PTPMT1: variants seen among roughly 807,000 people sequenced by gnomAD.
PTPMT1 encodes the protein protein tyrosine phosphatase mitochondrial 1.
PTPMT1 carries 12 observed loss-of-function variants against 17.8 expected under a neutral mutation model. That is an observed-to-expected ratio of 0.67 (90% CI 0.43 to 1.09). The LOEUF (loss-of-function observed/expected upper bound fraction) is 1.09, where lower values mean the gene tolerates loss of function less well. PTPMT1 is among the 50% of genes least tolerant of loss of function. The pLI is 0.00. For missense variants in PTPMT1, 262 were observed against 266.0 expected, an observed-to-expected ratio of 0.99 and a Z score of 0.10; for synonymous variants, 132 against 116.8, an observed-to-expected ratio of 1.13 and a Z score of -0.84.
At chr11:47,571,374 T>A (rs1187046772) in intron 3 of PTPMT1, 97 bp from the exon 4 acceptor site, 3 of 1,048,192 alleles carry the variant, frequency 2.9e-6, no homozygotes, top group Non-Finnish European at 4.2e-6. Context: ...TCCAAAGAAA[T>A]GAAATCTCAG....
chr11:47,569,151 T>C (rs754095342), intron 2 of PTPMT1, among the ~76,000 whole-genome samples: 1 of 151,896 alleles, frequency 6.6e-6, no homozygotes, highest in Non-Finnish European at 1.5e-5. Flanking sequence ...TTTGGGAGGC[T>C]GAGGCAGGCG....
In PTPMT1 at chr11:47,572,966, C is replaced by T. The variant is rs760009912; in HGVS notation, c.*1337C>T. ...CAAACTGCAAATTGGTAAGCAGCAC[C>T]TTAATACCTCTTGTGACAGTTACGG... On this transcript the variant is annotated 3_prime_UTR_variant, in exon 4 of 4. Coordinates refer to ENST00000326674, the MANE Select transcript of PTPMT1 (RefSeq NM_175732.3). The T allele has an allele frequency of 1.2e-6, 2 of 1,614,152 alleles. No homozygotes were observed. Among genetic ancestry groups the T allele is most frequent in the South Asian group, 1.1e-5 (1 of 91,074 alleles).
At position 47,572,962 on chromosome 11, in the gene PTPMT1, G is replaced by A. The variant is rs1362758859; in HGVS notation, c.*1333G>A. The A allele has an allele frequency of 3.7e-6, 6 of 1,614,050 alleles. No homozygotes were observed. The Admixed American group carries it at 5.0e-5, about 13-fold the overall frequency. ...AACACAAACTGCAAATTGGTAAGCAGCACCTTAATACCTCTTGTGACAGTT... is the reference window on the plus strand; with the variant it reads ...AACACAAACTGCAAATTGGTAAGCAACACCTTAATACCTCTTGTGACAGTT... On this transcript the variant is annotated 3_prime_UTR_variant, in exon 4 of 4. Coordinates refer to ENST00000326674, the MANE Select transcript of PTPMT1 (RefSeq NM_175732.3).
In PTPMT1 at chr11:47,572,882, T is replaced by C; in HGVS notation, c.*1253T>C. ...TGGGGCCCAGGGGACTTTGAGTTTG[T>C]ATGGGGAGGGAAAAGGAGTGAGCAG... On this transcript the variant is annotated 3_prime_UTR_variant, in exon 4 of 4. Coordinates refer to ENST00000326674, the MANE Select transcript of PTPMT1 (RefSeq NM_175732.3). 6.4e-7 allele frequency: 1 copy of C among 1,569,282 alleles called. No homozygotes were observed. The highest frequency in any genetic ancestry group is 2.2e-5 in the East Asian group (1 of 44,482).
chr11:47,566,284 A>G (rs2097244106), intron 2 of PTPMT1, among the ~76,000 whole-genome samples: 1 of 152,090 alleles, frequency 6.6e-6, no homozygotes, highest in African/African-American at 2.4e-5. Flanking sequence ...GGAGTTCCTG[A>G]CCAGCCTGGG....
intron 3 of PTPMT1, among the ~76,000 whole-genome samples, chr11:47,570,163 T>G (rs1481664452): frequency 8.1e-6 from 1 of 123,724 alleles, no homozygotes; most frequent in East Asian, 2.4e-4. Flanking sequence ...CACTGCAGCA[T>G]AGCCAACAGA....
intron 2 of PTPMT1, among the ~76,000 whole-genome samples, chr11:47,568,472 T>C (rs541107939): frequency 6.6e-6 from 1 of 151,878 alleles, no homozygotes; most frequent in East Asian, 2.0e-4. Context: ...GGCTAGGAGA[T>C]TGAGACCAGC....
At chr11:47,570,051 G>C (rs1035528744) in intron 3 of PTPMT1, among the ~76,000 whole-genome samples, 160 bp downstream of exon 3, 5 of 152,120 alleles carry the variant, frequency 3.3e-5, no homozygotes, top group African/African-American at 1.2e-4. Context: ...AGTTAGCTCA[G>C]TGTGGTGGTG....
In PTPMT1 at chr11:47,573,190, A is replaced by T. The variant is rs1417523630; in HGVS notation, c.*1561A>T. ...AGGGAGTCCCCTTCAGCCACGATGAACACCAGATCTTTATGCACAGCTGCG... is the reference window on the plus strand; with the variant it reads ...AGGGAGTCCCCTTCAGCCACGATGATCACCAGATCTTTATGCACAGCTGCG... On this transcript the variant is annotated 3_prime_UTR_variant, in exon 4 of 4. Coordinates refer to ENST00000326674, the MANE Select transcript of PTPMT1 (RefSeq NM_175732.3). This position sits in a 1 kb window ranked among gnomAD's most constrained non-coding sequence, Gnocchi z 4.1. 6.2e-7 allele frequency: 1 copy of T among 1,614,054 alleles called. No homozygotes were observed. Among genetic ancestry groups the T allele is most frequent in the Non-Finnish European group, 8.5e-7 (1 of 1,180,030 alleles).
At chr11:47,567,682 C>T (rs2097246990) in intron 2 of PTPMT1, among the ~76,000 whole-genome samples, 1 of 150,496 alleles carries the variant, frequency 6.6e-6, no homozygotes, top group African/African-American at 2.4e-5. Context: ...GCCTCAGCCT[C>T]CCAAGTAGCT....
chr11:47,571,574 A>G lies in PTPMT1; in HGVS notation c.551A>G (p.Lys184Arg). 1.9e-6 allele frequency: 3 copies of G among 1,614,070 alleles called. No homozygotes were observed. The highest frequency in any genetic ancestry group is 2.2e-5 in the South Asian group (2 of 91,082). The change falls in exon 4 of 4, where the codon AAG becomes AGG. Residue 184 changes from lysine to arginine, a missense_variant. Lys to Arg is a conservative substitution (Grantham distance 26, BLOSUM62 2). Transcript: ENST00000326674. The stretch of plus-strand genomic sequence containing the variant: ...CTGGATGTTCTTAAAGAGTTCCACA[A>G]GCAGATTACTGCACGGGCAACAAAG... ...GQLDVLKEFHKQITARATKDG... is the reference protein window; with the variant it reads ...GQLDVLKEFHRQITARATKDG...
At chr11:47,567,563 T>TC (rs1167726991) in intron 2 of PTPMT1, among the ~76,000 whole-genome samples, 36 of 142,516 alleles carry the variant, frequency 2.5e-4, no homozygotes, top group Non-Finnish European at 4.0e-4. Flanking sequence ...TCTTTTCTTT[T>TC]TTTTTTTTTT....
Position 47,572,955 on chromosome 11 carries a change from G to A in PTPMT1, c.*1326G>A. The A allele has an allele frequency of 6.2e-7, 1 of 1,614,018 alleles. No individual in the cohort carries two copies. The highest frequency in any genetic ancestry group is 8.5e-7 in the Non-Finnish European group (1 of 1,179,908). On this transcript the variant is annotated 3_prime_UTR_variant, in exon 4 of 4. Transcript: ENST00000326674. ...TTAGGCCAACACAAACTGCAAATTGGTAAGCAGCACCTTAATACCTCTTGT... is the reference window on the plus strand; with the variant it reads ...TTAGGCCAACACAAACTGCAAATTGATAAGCAGCACCTTAATACCTCTTGT...
Position 47,565,712 on chromosome 11 carries a change from G to C in PTPMT1, c.90G>C (p.Pro30=). ...ACACCCTGTTCCGCGGGAAGGTGCCGGGTCGGGCGCACCGGGACTGGTACC... is the reference window on the plus strand; with the variant it reads ...ACACCCTGTTCCGCGGGAAGGTGCCCGGTCGGGCGCACCGGGACTGGTACC... ...LLYTLFRGKV[P]GRAHRDWYHR... is the part of the protein sequence containing the mutation. Residue 30 remains proline (P), a synonymous_variant, in exon 1 of 4, where the codon CCG becomes CCC. Coordinates refer to ENST00000326674, the MANE Select transcript of PTPMT1 (RefSeq NM_175732.3). 1 of 1,574,632 alleles carries C rather than the reference G, an allele frequency of 6.4e-7. No individual in the cohort carries two copies.
At chr11:47,567,027 CTT>C (rs752753893) in intron 2 of PTPMT1, among the ~76,000 whole-genome samples, 1 of 152,016 alleles carries the variant, frequency 6.6e-6, no homozygotes, top group Non-Finnish European at 1.5e-5. Flanking sequence ...AAACAATTAT[CTT>C]TCTCATTTGT....
At position 47,572,813 on chromosome 11, in the gene PTPMT1, G is replaced by A. The variant is rs2097251585; in HGVS notation, c.*1184G>A. 9.5e-7 allele frequency: 1 copy of A among 1,054,222 alleles called. No homozygotes were observed. The highest frequency in any genetic ancestry group is 1.4e-6 in the Non-Finnish European group (1 of 731,616). The allele number at this position is 1,054,222 out of a possible 1,614,324, so 65.3% of individuals were successfully genotyped here. A position where few individuals can be genotyped will look rare whatever the true frequency, so the allele number is the denominator to read the frequency against. ...TCCATGGATTCAGGGAAGGGCTGAG[G>A]CACTGCCTTTCTAGTATGTGCCAAA... On this transcript the variant is annotated 3_prime_UTR_variant, in exon 4 of 4. Coordinates refer to ENST00000326674, the MANE Select transcript of PTPMT1 (RefSeq NM_175732.3).
In PTPMT1 at chr11:47,571,465, C is replaced by T. The variant is rs747638542; in HGVS notation, c.448-6C>T. 4 of 1,613,326 alleles carry T rather than the reference C, an allele frequency of 2.5e-6. No homozygotes were observed. The African/African-American group carries it at 4.0e-5, about 16-fold the overall frequency. On this transcript the variant is annotated splice_polypyrimidine_tract_variant and splice_region_variant and intron_variant, in intron 3 of 3. Transcript: ENST00000326674. ...TCTCTGCTGATTTCCCAACCCTGTA[C>T]TTCAGGTGCACAAATGGAGTCCAGA...
At position 47,566,112 on chromosome 11, in the gene PTPMT1, T is replaced by G. The variant is rs148130040; in HGVS notation, c.255+126T>G. ...ACCGGAGCCAGGTGTCTCAAGCTGC[T>G]TTGCCTCCGGTCTGTGCCTCTAAAT... On this transcript the variant is annotated intron_variant, in intron 2 of 3. Transcript: ENST00000326674. 7.3e-4 allele frequency: 796 copies of G among 1,085,526 alleles called. 8 individuals carry two copies. In the East Asian group the frequency reaches 0.021, roughly 28 times the overall value. The allele number at this position is 1,085,526 out of a possible 1,614,324, so 67.2% of individuals were successfully genotyped here. A position where few individuals can be genotyped will look rare whatever the true frequency, so the allele number is the denominator to read the frequency against.
Position 47,565,775 on chromosome 11 carries a change from G to A in PTPMT1, c.153G>A (p.Pro51=). 1.9e-6 allele frequency: 3 copies of A among 1,593,430 alleles called. No individual in the cohort carries two copies. The highest frequency in any genetic ancestry group is 2.6e-6 in the Non-Finnish European group (3 of 1,171,294). Residue 51 remains proline (P), a synonymous_variant, in exon 1 of 4, where the codon CCG becomes CCA. Transcript: ENST00000326674. ...IDPTVLLGAL[P]LRSLTRQLVQ... is the part of the protein sequence containing the mutation. ...CCACCGTGCTGCTGGGCGCGCTGCC[G>A]TTGCGGAGCTTGACGCGCCAGGTGA...
Sources: gnomAD v4.1 joint callset for allele counts (sites outside exome capture counted in the v4.1 genomes callset) on GRCh38, gnomAD v4.1.1 for gene constraint, Gnocchi (gnomAD v3.1) non-coding constraint, MANE v1.5 for transcripts, NCBI Gene and HGNC (gene_info 2026-07-23, HGNC 2026-07-21) for gene names.